Variants in KDM5A observed in about 807,000 individuals in gnomAD.
KDM5A encodes lysine demethylase 5A.
A neutral mutation model predicts 193.5 loss-of-function variants in KDM5A; 42 were observed. That is an observed-to-expected ratio of 0.22 (90% confidence interval 0.17 to 0.28). The LOEUF is 0.28. Ranked by LOEUF, KDM5A falls within the 10% of genes least tolerant of loss-of-function variation. KDM5A has a pLI of 1.00. For synonymous variants in KDM5A, 796 were observed against 718.1 expected (o/e 1.11, Z -1.73); for missense variants, 1,692 against 2,055.1 (o/e 0.82, Z 3.42).
At chr12:347,531 A>C (rs571377148) in intron 10 of KDM5A, among the ~76,000 whole-genome samples, 47 of 152,348 alleles carry the variant, frequency 3.1e-4, no homozygotes, top group African/African-American at 9.6e-4. Flanking sequence ...GGCTACAGTA[A>C]CCAAAACAGC....
chr12:367,219 A>G (rs998625838), intron 3 of KDM5A, among the ~76,000 whole-genome samples: 5 of 152,174 alleles, frequency 3.3e-5, no homozygotes, highest in East Asian at 3.8e-4. Flanking sequence ...AGTTTCTCCT[A>G]TTTGATTGAG....
chr12:375,413 T>C (rs2137485387), intron 3 of KDM5A, among the ~76,000 whole-genome samples: 1 of 152,316 alleles, frequency 6.6e-6, no homozygotes, highest in African/African-American at 2.4e-5. Context: ...CGTGCCATGG[T>C]TTTCAGCTCC....
intron 5 of KDM5A, among the ~76,000 whole-genome samples, chr12:362,404 GGTTACATGAACACTACA>G (rs1174805305): frequency 2.0e-5 from 3 of 152,032 alleles, no homozygotes; most frequent in African/African-American, 7.3e-5. Flanking sequence ...AATTATTTTA[GGTTACATGAACACTACA>G]GTAGTTAAAC....
intron 22 of KDM5A, 106 bp downstream of exon 22, chr12:309,697 G>C (rs1033359059): frequency 8.4e-7 from 1 of 1,184,856 alleles, no homozygotes. Flanking sequence ...TAAAGCCAAA[G>C]TATATGAAAA....
At chr12:330,622 T>C (rs537627171) in intron 13 of KDM5A, among the ~76,000 whole-genome samples, 14 of 152,328 alleles carry the variant, frequency 9.2e-5, no homozygotes, top group African/African-American at 3.1e-4. Context: ...TAAATGCTGA[T>C]TGAATGTTTA....
At chr12:352,753 A>G (rs561521588) in intron 8 of KDM5A, among the ~76,000 whole-genome samples, 1 of 152,322 alleles carries the variant, frequency 6.6e-6, no homozygotes, top group Admixed American at 6.5e-5. Flanking sequence ...AGACTAAGAG[A>G]ATAGTTTGTT....
chr12:292,843 C>T lies in KDM5A; in HGVS notation c.4782G>A (p.Lys1594=), dbSNP rs769400636. 1.2e-6 allele frequency: 2 copies of T among 1,614,230 alleles called. No individual in the cohort carries two copies. The highest frequency in any genetic ancestry group is 1.7e-6 in the Non-Finnish European group (2 of 1,180,034). ...ACTCCTCTGCTCCTGACCAGTCATA[C>T]TTTGAGGGGATGTCCAGCACCTTTT... ...REKKVLDIPS[K]YDWSGAEESD... is the part of the protein sequence containing the mutation. Residue 1594 remains lysine (K), a synonymous_variant, in exon 27 of 28, where the codon AAG becomes AAA. Transcript: ENST00000399788.
intron 3 of KDM5A, among the ~76,000 whole-genome samples, chr12:381,185 G>A (rs1197032573): frequency 6.6e-6 from 1 of 152,014 alleles, no homozygotes; most frequent in Non-Finnish European, 1.5e-5. Context: ...GTAGAGACGA[G>A]GTTTCTCCAT....
chr12:292,677 C>G (rs1356136330), intron 27 of KDM5A, 82 bp downstream of exon 27: 3 of 1,547,088 alleles, frequency 1.9e-6, no homozygotes, highest in Non-Finnish European at 2.7e-6. Context: ...CAAAAACATA[C>G]TACACATTGA....
chr12:356,850 C>G (rs1259777212), intron 5 of KDM5A, among the ~76,000 whole-genome samples: 1 of 152,222 alleles, frequency 6.6e-6, no homozygotes, highest in Non-Finnish European at 1.5e-5. Flanking sequence ...TACCGGACAC[C>G]TGTATTTGAT....
chr12:283,157 A>G lies in KDM5A; in HGVS notation c.*2299T>C. ...TAGGAAGGAAAAATAAAAATTTTAA[A>G]TGTATTCCAGGCATCTGTCACTTAA... On this transcript the variant is annotated 3_prime_UTR_variant, in exon 28 of 28. Coordinates refer to ENST00000399788, the MANE Select transcript of KDM5A (RefSeq NM_001042603.3). The G allele has an allele frequency of 8.7e-6, 2 of 231,176 alleles. No individual in the cohort carries two copies. Among genetic ancestry groups the G allele is most frequent in the Non-Finnish European group, 1.7e-5 (2 of 116,704 alleles). 14.3% of individuals were successfully genotyped at this position (231,176 alleles called of 1,614,324 possible). A position where few individuals can be genotyped will look rare whatever the true frequency, so the allele number is the denominator to read the frequency against.
At chr12:333,765 T>C (rs1164245293) in intron 11 of KDM5A, 116 bp from the exon 12 acceptor site, 15 of 991,748 alleles carry the variant, frequency 1.5e-5, no homozygotes, top group Non-Finnish European at 1.9e-5. Context: ...TCAGATTATA[T>C]GCCCTGAATT....
At chr12:388,742 G>C (rs548507590) in intron 1 of KDM5A, among the ~76,000 whole-genome samples, 185 bp downstream of exon 1, 1 of 152,264 alleles carries the variant, frequency 6.6e-6, no homozygotes, top group East Asian at 1.9e-4. Flanking sequence ...CCACTTTCTC[G>C]CTTTCAGACG....
chr12:308,216 T>C (rs1943537612), intron 22 of KDM5A, among the ~76,000 whole-genome samples: 2 of 152,182 alleles, frequency 1.3e-5, no homozygotes, highest in African/African-American at 2.4e-5. Context: ...AGTACAGTAC[T>C]TTGGCCTCTT....
rs765772204 is a variant in KDM5A at position 363,140 on chromosome 12, G to A, written c.538-43C>T. ...AGAAAGAGAGCAGGTTCACTGATAA[G>A]AAATCATGCTGGAGAATCAGTGTAA... is the stretch of plus-strand genomic sequence containing the variant. On this transcript the variant is annotated intron_variant, in intron 4 of 27. Transcript: ENST00000399788. 6.8e-6 allele frequency: 11 copies of A among 1,611,424 alleles called. No individual in the cohort carries two copies. The East Asian group carries it at 2.2e-4, about 33-fold the overall frequency.
chr12:320,030 G>A (rs922635561), intron 18 of KDM5A, among the ~76,000 whole-genome samples: 37 of 152,258 alleles, frequency 2.4e-4, no homozygotes, highest in African/African-American at 7.9e-4. Flanking sequence ...CAAGGAAGAC[G>A]TAAGAGAAGA....
At chr12:359,205 C>G (rs1220568739) in intron 5 of KDM5A, among the ~76,000 whole-genome samples, 1 of 152,110 alleles carries the variant, frequency 6.6e-6, no homozygotes, top group Non-Finnish European at 1.5e-5. Flanking sequence ...TGCAAAATAT[C>G]AAGTCATCAC....
chr12:380,551 T>C (rs1247053855), intron 3 of KDM5A, among the ~76,000 whole-genome samples: 1 of 152,028 alleles, frequency 6.6e-6, no homozygotes, highest in Non-Finnish European at 1.5e-5. Context: ...ACCCCATCTT[T>C]ACTAAAAATA....
At chr12:308,578 CAG>C (rs1943543216) in intron 22 of KDM5A, among the ~76,000 whole-genome samples, 1 of 152,156 alleles carries the variant, frequency 6.6e-6, no homozygotes, top group South Asian at 2.1e-4. Context: ...GTTGTAACAA[CAG>C]AGTTTTATGA....
Sources: allele counts gnomAD v4.1 joint callset (sites outside exome capture counted in the v4.1 genomes callset), GRCh38; gene constraint gnomAD v4.1.1; transcripts MANE v1.5; gene names NCBI Gene and HGNC (gene_info 2026-07-23, HGNC 2026-07-21).